UTRN: variants seen among roughly 807,000 people sequenced by gnomAD.
The protein encoded by UTRN is dystrophin-related protein 1.
A neutral mutation model predicts 463.9 loss-of-function variants in UTRN; 283 were observed. The observed-to-expected ratio is 0.61, with a 90% CI of 0.55 to 0.67. The LOEUF is 0.67. Among genes scored for constraint, UTRN ranks in the 30% least tolerant of loss-of-function variants. The pLI is 0.00. For missense variants in UTRN, 3,922 were observed against 4,084.3 expected (o/e 0.96, Z 1.08); for synonymous variants, 1,442 against 1,431.5 (o/e 1.01, Z -0.17).
At position 144,488,829 on chromosome 6, in the gene UTRN, G is replaced by C; in HGVS notation, c.4129G>C (p.Ala1377Pro). 1.9e-6 allele frequency: 3 copies of C among 1,593,078 alleles called. No homozygotes were observed. The highest frequency in any genetic ancestry group is 2.6e-6 in the Non-Finnish European group (3 of 1,167,466). The change falls in exon 30 of 75, where the codon GCT becomes CCT. Residue 1377 changes from alanine (A) to proline (P), a missense_variant. Transcript: ENST00000367545. ...RIDAFQVPQE[A>P]QKIQAEISAH... Reference sequence around the variant, plus strand: ...AGATGCTTTCCAAGTTCCACAGGAAGCTCAGGTATTGCCGTGCATTTGAGG... The same window carrying C: ...AGATGCTTTCCAAGTTCCACAGGAACCTCAGGTATTGCCGTGCATTTGAGG...
chr6:144,740,882 G>A (rs1233292649), intron 54 of UTRN, among the ~76,000 whole-genome samples: 1 of 152,110 alleles, frequency 6.6e-6, no homozygotes, highest in African/African-American at 2.4e-5. Flanking sequence ...CATCTGTTAT[G>A]TTCTCTAATC....
intron 51 of UTRN, among the ~76,000 whole-genome samples, chr6:144,579,439 T>C (rs2128625723): frequency 6.6e-6 from 1 of 152,336 alleles, no homozygotes; most frequent in Admixed American, 6.5e-5. Context: ...TAACAGTTTA[T>C]ACACAATGAA....
intron 9 of UTRN, 88 bp from the exon 10 acceptor site, chr6:144,435,847 T>G (rs1584776442): frequency 7.1e-7 from 1 of 1,399,092 alleles, no homozygotes. Flanking sequence ...GAGTGGTGGG[T>G]ACTTTGGGTT....
intron 17 of UTRN, among the ~76,000 whole-genome samples, chr6:144,450,246 C>T (rs1220191532): frequency 6.6e-6 from 1 of 152,200 alleles, no homozygotes; most frequent in African/African-American, 2.4e-5. Flanking sequence ...TGGCTCTCAA[C>T]TGCCTTTGGG....
Position 144,493,305 on chromosome 6 carries a change from T to C in UTRN, c.4442T>C (p.Leu1481Pro). ...IQTHLDKCMK[L>P]YKTLSEVKLE... is the part of the protein sequence containing the mutation. ...TTTTCTTTGTTTGTTTTAAAGAAAC[T>C]GTATAAAACTTTGAGTGAAGTCAAA... The change falls in exon 33 of 75, where the codon CTG (leucine) becomes CCG (proline). Residue 1481 changes from leucine (L) to proline (P), a missense_variant. Around this residue, in one of 3 missense-constraint regions of UTRN, gnomAD observed 2,349 missense variants for 2,303.8 expected, o/e 1.02. Coordinates refer to ENST00000367545, the MANE Select transcript of UTRN (RefSeq NM_007124.3). 1 of 1,613,528 alleles carries C rather than the reference T, an allele frequency of 6.2e-7. No individual in the cohort carries two copies. The highest frequency in any genetic ancestry group is 8.5e-7 in the Non-Finnish European group (1 of 1,179,732).
At chr6:144,746,649 A>G (rs776156985) in intron 54 of UTRN, among the ~76,000 whole-genome samples, 1 of 149,148 alleles carries the variant, frequency 6.7e-6, no homozygotes, top group Non-Finnish European at 1.5e-5. Flanking sequence ...GCTAGTTTTT[A>G]TATTTTTAGT....
rs9497038 is a variant in UTRN at position 144,673,166 on chromosome 6, G to C, written c.7480-5240G>C. 1.2e-4 allele frequency among the ~76,000 whole-genome samples: 18 copies of C among 152,214 alleles called. No homozygotes were observed. The East Asian group carries it at 1.4e-3, about 11-fold the overall frequency. ...ATATTCTGCAGTTGTTGGGTAGACT[G>C]TTCTGCAAATATCTGTTAAGCCCAT... On this transcript the variant is annotated intron_variant, in intron 51 of 74. Transcript: ENST00000367545.
chr6:144,648,642 T>G (rs1173159438), intron 51 of UTRN, among the ~76,000 whole-genome samples: 1 of 152,120 alleles, frequency 6.6e-6, no homozygotes, highest in East Asian at 1.9e-4. Flanking sequence ...TTAAGATGAG[T>G]GCAGATCTGC....
intron 2 of UTRN, chr6:144,344,231 C>A (rs1321909620): frequency 7.7e-7 from 1 of 1,303,948 alleles, no homozygotes; most frequent in African/African-American, 1.5e-5. Context: ...TGGCAGCCAC[C>A]ACGTTTCATT....
intron 2 of UTRN, among the ~76,000 whole-genome samples, chr6:144,316,120 C>T (rs1466106050): frequency 6.6e-6 from 1 of 152,120 alleles, no homozygotes; most frequent in Admixed American, 6.5e-5. Context: ...GAGGCCGAGG[C>T]AGGAGGATTA....
At chr6:144,293,112 G>A (rs1402979117) in intron 2 of UTRN, among the ~76,000 whole-genome samples, 1 of 152,096 alleles carries the variant, frequency 6.6e-6, no homozygotes, top group Non-Finnish European at 1.5e-5. Flanking sequence ...AAATGTTTTA[G>A]TGGTATAAGG....
At chr6:144,732,214 T>TTATATATATATATATA (rs1174420940) in intron 54 of UTRN, among the ~76,000 whole-genome samples, 3 of 92,298 alleles carry the variant, frequency 3.3e-5, no homozygotes, top group East Asian at 4.9e-4. Context: ...GTACTCTGTT[T>TTATATATATATATATA]TATATATATA....
chr6:144,794,445 A>G (rs1344798619), intron 63 of UTRN, among the ~76,000 whole-genome samples: 2 of 152,150 alleles, frequency 1.3e-5, no homozygotes, highest in African/African-American at 4.8e-5. Flanking sequence ...TTTAGCTATT[A>G]CATCCTCTGA....
At position 144,474,678 on chromosome 6, in the gene UTRN, T is replaced by C; in HGVS notation, c.3255T>C (p.Ser1085=). 1 of 1,613,966 alleles carries C rather than the reference T, an allele frequency of 6.2e-7. No homozygotes were observed. The highest frequency in any genetic ancestry group is 1.3e-5 in the African/African-American group (1 of 75,036). ...NMKEIETNLR[S]GPVAGIKTWV... is the part of the protein sequence containing the mutation. ...AGGAAATAGAGACTAATCTTCGAAG[T>C]GGTCCAGTTGCTGGAATAAAAACTT... Residue 1085 remains serine, a synonymous_variant, in exon 25 of 75, where the codon AGT becomes AGC. Transcript: ENST00000367545.
At chr6:144,537,270 C>T (rs10457762) in intron 43 of UTRN, among the ~76,000 whole-genome samples, 733 of 151,832 alleles carry the variant, frequency 4.8e-3, no homozygotes, top group Middle Eastern at 0.024. Flanking sequence ...CATTATGTTG[C>T]GGAGTGGTAT....
chr6:144,408,498 A>G (rs949636920), intron 3 of UTRN, among the ~76,000 whole-genome samples: 2 of 152,256 alleles, frequency 1.3e-5, no homozygotes, highest in Non-Finnish European at 2.9e-5. Context: ...GGCTTCACAA[A>G]TAAAGGTTAG....
At position 144,827,325 on chromosome 6, in the gene UTRN, GTCTCCC is replaced by G; in HGVS notation, c.9495-16_9495-11del. The G allele has an allele frequency of 6.2e-7, 1 of 1,612,882 alleles. No homozygotes were observed. On this transcript the variant is annotated splice_polypyrimidine_tract_variant and intron_variant, in intron 66 of 74. Coordinates refer to ENST00000367545, the MANE Select transcript of UTRN (RefSeq NM_007124.3). ...CTAAAGTGTTTGTTCTGTGACTTTT[GTCTCCC>G]TCTCCCCTCTTTGCAGTCCTATCAC... is the stretch of plus-strand genomic sequence containing the variant.
intron 2 of UTRN, among the ~76,000 whole-genome samples, chr6:144,371,656 C>T (rs1383295988): frequency 6.6e-6 from 1 of 152,226 alleles, no homozygotes; most frequent in Non-Finnish European, 1.5e-5. Flanking sequence ...GATCTGCCGT[C>T]CTCGGCCTCC....
rs111875975 is a variant in UTRN, at chr6:144,829,183, G to A, written c.9665+328G>A. On this transcript the variant is annotated intron_variant, in intron 69 of 74. Transcript: ENST00000367545. ...TATATTTCTTATTAATTTAACAAAG[G>A]TAATTTGACAGAATATGTGCCCTTT... Among the ~76,000 whole-genome samples the A allele has an allele frequency of 3.0e-3, 460 of 152,044 alleles. 1 individual carries two copies. Among genetic ancestry groups the A allele is most frequent in the African/African-American group, 9.5e-3 (395 of 41,490 alleles).
Sources: allele counts gnomAD v4.1 joint callset (sites outside exome capture counted in the v4.1 genomes callset), GRCh38; gene constraint gnomAD v4.1.1; regional missense constraint gnomAD v4.1.1; transcripts MANE v1.5; gene names NCBI Gene and HGNC (gene_info 2026-07-23, HGNC 2026-07-21).